Variants in MYH2 observed in about 807,000 individuals in gnomAD.
MYH2 encodes the protein myosin-2.
In MYH2, 139 loss-of-function variants were observed where a neutral mutation model predicts 228.1. That is an observed-to-expected ratio of 0.61 (90% confidence interval 0.53 to 0.70). MYH2 has a LOEUF of 0.70. Ranked by LOEUF, MYH2 falls within the 30% of genes least tolerant of loss-of-function variation. The pLI, the probability that MYH2 is intolerant of heterozygous loss-of-function variation, is 0.00. For synonymous variants in MYH2, 796 were observed against 871.1 expected, an observed-to-expected ratio of 0.91 and a Z score of 1.52; for missense variants, 1,809 against 2,357.5, an observed-to-expected ratio of 0.77 and a Z score of 4.82.
Position 10,543,106 on chromosome 17 carries a change from A to G in MYH2, c.797T>C (p.Ile266Thr). ...GATATCTGAACACTTACATGTTTCA[A>G]TATCAGCAGATGCCAGTTTTCCAGT... is the stretch of plus-strand genomic sequence containing the variant. Reference protein sequence around the residue: ...GTTGKLASADIETYLLEKSRV... With the variant: ...GTTGKLASADTETYLLEKSRV... The change falls in exon 9 of 40, where the codon ATT becomes ACT. Residue 266 changes from isoleucine (I) to threonine (T), a missense_variant. Physicochemically the swap from Ile to Thr is moderately conservative, Grantham distance 89 (BLOSUM62 -1). Coordinates refer to ENST00000245503, the MANE Select transcript of MYH2 (RefSeq NM_017534.6). The G allele has an allele frequency of 6.2e-7, 1 of 1,612,218 alleles. No individual in the cohort carries two copies. Among genetic ancestry groups the G allele is most frequent in the Non-Finnish European group, 8.5e-7 (1 of 1,178,606 alleles).
intron 16 of MYH2, among the ~76,000 whole-genome samples, chr17:10,536,993 A>G (rs1311735077): frequency 1.3e-5 from 2 of 152,208 alleles, no homozygotes; most frequent in Non-Finnish European, 2.9e-5. Context: ...AGAGAATCGT[A>G]GAAGCTGAGG....
At chr17:10,530,654 A>C (rs2073413906) in intron 22 of MYH2, among the ~76,000 whole-genome samples, 1 of 152,188 alleles carries the variant, frequency 6.6e-6, no homozygotes, top group African/African-American at 2.4e-5. Context: ...GGGACAGGGC[A>C]GGCGGGAAAT....
chr17:10,547,808 A>G lies in MYH2; in HGVS notation c.113T>C (p.Val38Ala). 1.9e-6 allele frequency: 3 copies of G among 1,614,170 alleles called. No homozygotes were observed. The highest frequency in any genetic ancestry group is 2.5e-6 in the Non-Finnish European group (3 of 1,180,044). The change falls in exon 3 of 40, where the codon GTC becomes GCC. Residue 38 changes from valine to alanine, a missense_variant. Physicochemically the swap from Val to Ala is moderately conservative, Grantham distance 64. Coordinates refer to ENST00000245503, the MANE Select transcript of MYH2 (RefSeq NM_017534.6). ...GGATTCTTTGGGCTCCGCCACAAAG[A>G]CAGATGTTTTGGCATCAAAGGGCCT... ...QNRPFDAKTS[V>A]FVAEPKESFV...
At position 10,533,641 on chromosome 17, in the gene MYH2, G is replaced by A. The variant is rs886052568; in HGVS notation, c.2181-9C>T. On this transcript the variant is annotated splice_polypyrimidine_tract_variant and intron_variant, in intron 19 of 39. Coordinates refer to ENST00000245503, the MANE Select transcript of MYH2 (RefSeq NM_017534.6). ...CATTTAATACCTTGTATCTGTTGAA[G>A]TACATATAGCTTTTAACAACTAGTT... 1 of 1,613,790 alleles carries A rather than the reference G, an allele frequency of 6.2e-7. No homozygotes were observed. The highest frequency in any genetic ancestry group is 1.1e-5 in the South Asian group (1 of 91,064).
At chr17:10,526,536 G>C in intron 30 of MYH2, 63 bp downstream of exon 30, 2 of 1,603,630 alleles carry the variant, frequency 1.2e-6, no homozygotes, top group South Asian at 2.2e-5. Context: ...ATCTTCAAAG[G>C]TCATGTCTTT....
intron 19 of MYH2, 42 bp downstream of exon 19, chr17:10,535,031 C>T (rs777734215): frequency 5.6e-6 from 9 of 1,595,946 alleles, no homozygotes; most frequent in Non-Finnish European, 6.9e-6. Context: ...TAAACTTGTT[C>T]ATATTAAACT....
Position 10,525,283 on chromosome 17 carries a change from T to C in MYH2, c.4603A>G (p.Ile1535Val), listed in dbSNP as rs2073336612. The C allele has an allele frequency of 6.2e-6, 10 of 1,614,174 alleles. No individual in the cohort carries two copies. The highest frequency in any genetic ancestry group is 7.6e-6 in the Non-Finnish European group (9 of 1,180,034). ...TTTTCTTGTTCCACTTGTTTCTTTA[T>C]TTTCTCCAGTTCATGGATACGTTTC... ...GGKRIHELEK[I>V]KKQVEQEKCE... The change falls in exon 33 of 40, where the codon ATA becomes GTA. Residue 1535 changes from isoleucine to valine, a missense_variant. By Grantham distance (29) the Ile-to-Val change is conservative (BLOSUM62 3). Transcript: ENST00000245503. This position sits in a 1 kb window ranked among gnomAD's most constrained non-coding sequence, Gnocchi z 4.2.
chr17:10,523,732 C>T lies in MYH2; in HGVS notation c.5301+27G>A, dbSNP rs552309989. ...ATGTCAGGAAATCTTACTGCTAAATCAGTGGACAAGTGTGCCTGCCACTCA... is the reference window on the plus strand; with the variant it reads ...ATGTCAGGAAATCTTACTGCTAAATTAGTGGACAAGTGTGCCTGCCACTCA... On this transcript the variant is annotated intron_variant, in intron 36 of 39. Coordinates refer to ENST00000245503, the MANE Select transcript of MYH2 (RefSeq NM_017534.6). 51 of 1,614,226 alleles carry T rather than the reference C, an allele frequency of 3.2e-5. No individual in the cohort carries two copies. The South Asian group carries it at 5.4e-4, about 17-fold the overall frequency.
At chr17:10,532,034 T>G in intron 21 of MYH2, 146 bp from the exon 22 acceptor site, 1 of 1,048,562 alleles carries the variant, frequency 9.5e-7, no homozygotes, top group Non-Finnish European at 1.5e-6. Flanking sequence ...GGGATGATGG[T>G]CAAGGTCTTG....
At position 10,525,868 on chromosome 17, in the gene MYH2, A is replaced by G; in HGVS notation, c.4196T>C (p.Leu1399Pro). 1 of 1,614,170 alleles carries G rather than the reference A, an allele frequency of 6.2e-7. No individual in the cohort carries two copies. The highest frequency in any genetic ancestry group is 8.5e-7 in the Non-Finnish European group (1 of 1,180,000). Residue 1399 changes from leucine to proline, a missense_variant, in exon 31 of 40, where the codon CTG becomes CCG. Coordinates refer to ENST00000245503, the MANE Select transcript of MYH2 (RefSeq NM_017534.6). The surrounding 1 kb of genome is among the most constrained non-coding windows in gnomAD (Gnocchi z 4.2). Reference protein sequence around the residue: ...TEELEEAKKKLAQRLQAAEEH... With the variant: ...TEELEEAKKKPAQRLQAAEEH... Reference sequence around the variant, plus strand: ...CTCAGCTGCCTGCAGCCGCTGGGCCAGCTTCTTCCTTGAATATTATACATG... The same window carrying G: ...CTCAGCTGCCTGCAGCCGCTGGGCCGGCTTCTTCCTTGAATATTATACATG...
rs1310128349 is a variant in MYH2 at position 10,547,572 on chromosome 17, T to G, written c.251A>C (p.Lys84Thr). 2 of 1,614,008 alleles carry G rather than the reference T, an allele frequency of 1.2e-6. No homozygotes were observed. Among genetic ancestry groups the G allele is most frequent in the Non-Finnish European group, 1.7e-6 (2 of 1,180,024 alleles). ...GGCCATATCCTCGATCTTGTCATAT[T>G]TGGGAGGGTTCATGGGGAAGACCTG... ...DDQVFPMNPP[K>T]YDKIEDMAMM... Residue 84 changes from lysine (K) to threonine (T), a missense_variant, in exon 4 of 40, where the codon AAA (lysine) becomes ACA (threonine). Physicochemically the swap from Lys to Thr is moderately conservative, Grantham distance 78 (BLOSUM62 -1). Transcript: ENST00000245503.
rs757440602 is a variant in MYH2 at position 10,539,418 on chromosome 17, G to A, written c.1266+26C>T. 7 of 1,613,952 alleles carry A rather than the reference G, an allele frequency of 4.3e-6. No individual in the cohort carries two copies. In the African/African-American group the frequency reaches 5.3e-5, roughly 12 times the overall value. ...GCCTATGAAAATGCTTTCATCCCTGGCAGTTAATTTGAATTATGCACCTAC... is the reference window on the plus strand; with the variant it reads ...GCCTATGAAAATGCTTTCATCCCTGACAGTTAATTTGAATTATGCACCTAC... On this transcript the variant is annotated intron_variant, in intron 13 of 39. Transcript: ENST00000245503.
chr17:10,539,509 C>A lies in MYH2; in HGVS notation c.1201G>T (p.Ala401Ser). The A allele has an allele frequency of 6.2e-7, 1 of 1,614,174 alleles. No homozygotes were observed. Among genetic ancestry groups the A allele is most frequent in the South Asian group, 1.1e-5 (1 of 91,090 alleles). ...QSLNSADLLK[A>S]LCYPRVKVGN... ...ACCTTGACCCTGGGGTAGCAGAGAGCTTTGAGCAGATCTGCAGAGTTCAGA... is the reference window on the plus strand; with the variant it reads ...ACCTTGACCCTGGGGTAGCAGAGAGATTTGAGCAGATCTGCAGAGTTCAGA... The change falls in exon 13 of 40, where the codon GCT becomes TCT. Residue 401 changes from alanine (A) to serine (S), a missense_variant. Physicochemically the swap from Ala to Ser is moderately conservative, Grantham distance 99. Transcript: ENST00000245503.
intron 28 of MYH2, 132 bp downstream of exon 28, chr17:10,527,616 A>G: frequency 7.2e-7 from 1 of 1,391,232 alleles, no homozygotes; most frequent in Non-Finnish European, 1.0e-6. Context: ...CACATAGGTC[A>G]GGTGTCTGAG....
chr17:10,527,962 T>TA lies in MYH2; in HGVS notation c.3745-89dup, dbSNP rs908289588. ...CAGTTACTGTAACTTCTCCCCAAAA[T>TA]AAAAAATACAATATTTATCTTAATA... is the stretch of plus-strand genomic sequence containing the variant. On this transcript the variant is annotated intron_variant, in intron 27 of 39. Transcript: ENST00000245503. 3.3e-5 allele frequency: 47 copies of TA among 1,432,378 alleles called. No individual in the cohort carries two copies. The African/African-American group carries it at 5.6e-4, about 17-fold the overall frequency. 88.7% of individuals were successfully genotyped at this position (1,432,378 alleles called of 1,614,324 possible). A position where few individuals can be genotyped will look rare whatever the true frequency, so the allele number is the denominator to read the frequency against.
At chr17:10,522,658 G>A (rs910115274) in intron 39 of MYH2, among the ~76,000 whole-genome samples, 1 of 151,978 alleles carries the variant, frequency 6.6e-6, no homozygotes, top group Non-Finnish European at 1.5e-5. Context: ...GCACAGCTTT[G>A]ACTACATTCT....
At chr17:10,531,495 T>G in intron 22 of MYH2, 138 bp downstream of exon 22, 1 of 1,209,770 alleles carries the variant, frequency 8.3e-7, no homozygotes, top group Non-Finnish European at 1.2e-6. Flanking sequence ...TTTGGACCTT[T>G]TCGTGCCATT....
chr17:10,532,027 A>G (rs1230605880), intron 21 of MYH2, 139 bp from the exon 22 acceptor site: 5 of 1,105,298 alleles, frequency 4.5e-6, no homozygotes, highest in Non-Finnish European at 6.8e-6. Context: ...CTATTTCGGG[A>G]TGATGGTCAA....
intron 10 of MYH2, 123 bp downstream of exon 10, chr17:10,542,752 A>C: frequency 1.6e-6 from 1 of 609,464 alleles, no homozygotes; most frequent in Non-Finnish European, 2.8e-6. Context: ...AAACTCACAA[A>C]GCTATTTATA....
Sources: allele counts gnomAD v4.1 joint callset (sites outside exome capture counted in the v4.1 genomes callset), GRCh38; gene constraint gnomAD v4.1.1; non-coding constraint Gnocchi (gnomAD v3.1); transcripts MANE v1.5; gene names NCBI Gene and HGNC (gene_info 2026-07-23, HGNC 2026-07-21).